Variants in UBE4B observed in about 807,000 individuals in gnomAD.
The protein encoded by UBE4B is ubiquitin conjugation factor E4 B.
UBE4B carries 27 observed loss-of-function variants against 148.1 expected under a neutral mutation model. The ratio of observed to expected loss-of-function variants is 0.18; its 90% CI spans 0.13 to 0.25. UBE4B has a LOEUF of 0.25. Among genes scored for constraint, UBE4B ranks in the 10% least tolerant of loss-of-function variants. The pLI, the probability that UBE4B is intolerant of heterozygous loss-of-function variation, is 1.00. For missense variants in UBE4B, 1,170 were observed against 1,662.4 expected (o/e 0.70, Z 5.15); for synonymous variants, 596 against 619.3 (o/e 0.96, Z 0.56).
At chr1:10,169,876 G>A (rs148188955) in intron 24 of UBE4B, among the ~76,000 whole-genome samples, 2,492 of 152,234 alleles carry the variant, frequency 0.016, 58 homozygotes, top group African/African-American at 0.055. Flanking sequence ...TTAGCCAGGC[G>A]TGGTAGTGCA....
At chr1:10,095,642 GAGAA>G (rs1449995577) in intron 3 of UBE4B, 46 bp downstream of exon 3, 4 of 1,611,496 alleles carry the variant, frequency 2.5e-6, no homozygotes, top group South Asian at 1.1e-5. Flanking sequence ...TTTAGGGAAA[GAGAA>G]AGATCCATTC....
intron 22 of UBE4B, among the ~76,000 whole-genome samples, chr1:10,159,447 C>G (rs918299070): frequency 3.9e-5 from 6 of 152,144 alleles, no homozygotes; most frequent in African/African-American, 1.4e-4. Flanking sequence ...CCGAGCAGGG[C>G]GGATCAGGAG....
rs1303688465 is a variant in UBE4B, at chr1:10,107,455, G to A, written c.1196+872G>A. On this transcript the variant is annotated intron_variant, in intron 7 of 27. Coordinates refer to ENST00000343090, the MANE Select transcript of UBE4B (RefSeq NM_001105562.3). ...TTCTATAAGCTCTAACAAGGGGCGT[G>A]CTTTGAATCCAGGCAGGATAGGGTC... 5 of 1,218,490 alleles carry A rather than the reference G, an allele frequency of 4.1e-6. No individual in the cohort carries two copies. The Admixed American group carries it at 1.5e-4, about 37-fold the overall frequency. 75.5% of individuals were successfully genotyped at this position (1,218,490 alleles called of 1,614,324 possible).
chr1:10,043,019 T>C (rs1265877735), intron 1 of UBE4B, among the ~76,000 whole-genome samples: 2 of 151,072 alleles, frequency 1.3e-5, no homozygotes, highest in Non-Finnish European at 2.9e-5. Flanking sequence ...TTTTTTTTTT[T>C]AATTTTTTGA....
intron 3 of UBE4B, among the ~76,000 whole-genome samples, chr1:10,097,051 A>AT (rs1431962405): frequency 4.8e-4 from 72 of 149,172 alleles, no homozygotes; most frequent in African/African-American, 7.8e-4. Context: ...AAAAAAAAAA[A>AT]AAATAATAAT....
At position 10,132,394 on chromosome 1, in the gene UBE4B, G is replaced by A. The variant is rs1197555324; in HGVS notation, c.1937G>A (p.Ser646Asn). 10 of 1,614,032 alleles carry A rather than the reference G, an allele frequency of 6.2e-6. No individual in the cohort carries two copies. Among genetic ancestry groups the A allele is most frequent in the Non-Finnish European group, 8.5e-6 (10 of 1,179,992 alleles). ...CAAGAGCTTTTTAAGATTCTGCATA[G>A]TATTTTGTTAAATGGCGAAACCCGT... ...GRQELFKILH[S>N]ILLNGETREA... is the part of the protein sequence containing the mutation. Residue 646 changes from serine (S) to asparagine (N), a missense_variant, in exon 15 of 28, where the codon AGT becomes AAT. By Grantham distance (46) the Ser-to-Asn change is conservative. Coordinates refer to ENST00000343090, the MANE Select transcript of UBE4B (RefSeq NM_001105562.3).
At chr1:10,129,056 A>G (rs1381932764) in intron 11 of UBE4B, 1 of 209,118 alleles carries the variant, frequency 4.8e-6, no homozygotes, top group African/African-American at 2.3e-5. Context: ...ATGAAGTGGA[A>G]AAACTTTTTT....
At position 10,101,162 on chromosome 1, in the gene UBE4B, T is replaced by C. The variant is rs201165696; in HGVS notation, c.402T>C (p.Asn134=). The change falls in exon 4 of 28, where the codon AAT becomes AAC. Residue 134 remains asparagine, a synonymous_variant. Coordinates refer to ENST00000343090, the MANE Select transcript of UBE4B (RefSeq NM_001105562.3). ...TTGAAAACATGGAGGTTGATGAAAA[T>C]GATCGAAGAGAAAAGCGGAGCCTCA... ...SGIENMEVDE[N]DRREKRSLSD... is the part of the protein sequence containing the mutation. The C allele has an allele frequency of 2.5e-6, 4 of 1,614,136 alleles. No homozygotes were observed. Among genetic ancestry groups the C allele is most frequent in the East Asian group, 4.5e-5 (2 of 44,872 alleles).
intron 2 of UBE4B, among the ~76,000 whole-genome samples, chr1:10,075,800 A>G (rs1644566777): frequency 6.6e-6 from 1 of 152,162 alleles, no homozygotes; most frequent in Non-Finnish European, 1.5e-5. Context: ...GCCTGTAATC[A>G]TAATACTTTG....
At chr1:10,126,992 C>A in intron 11 of UBE4B, 115 bp downstream of exon 11, 1 of 921,776 alleles carries the variant, frequency 1.1e-6, no homozygotes, top group South Asian at 1.5e-5. Flanking sequence ...AAATTTAAAA[C>A]ATGAAATCAC....
chr1:10,049,392 G>A (rs1207108683), intron 1 of UBE4B, among the ~76,000 whole-genome samples: 6 of 152,086 alleles, frequency 3.9e-5, no homozygotes, highest in Non-Finnish European at 7.3e-5. Flanking sequence ...GATGGGGAAT[G>A]TAGGGAGGGG....
chr1:10,084,273 A>G (rs756295010), intron 2 of UBE4B, among the ~76,000 whole-genome samples: 20 of 152,224 alleles, frequency 1.3e-4, no homozygotes, highest in Admixed American at 2.0e-4. Flanking sequence ...ATGGCTTAGT[A>G]GGAGAGATAA....
intron 4 of UBE4B, 143 bp from the exon 5 acceptor site, chr1:10,102,805 C>T: frequency 1.2e-6 from 1 of 824,650 alleles, no homozygotes; most frequent in South Asian, 2.2e-5. Flanking sequence ...CTTACTTTTC[C>T]CCTAATCAGT....
chr1:10,151,013 A>G (rs1434637022), intron 20 of UBE4B, among the ~76,000 whole-genome samples: 8 of 135,450 alleles, frequency 5.9e-5, no homozygotes, highest in East Asian at 4.5e-4. Context: ...TACAAAAAAA[A>G]TTAGCCGGGC....
intron 21 of UBE4B, among the ~76,000 whole-genome samples, chr1:10,153,857 C>T (rs934962335): frequency 2.6e-5 from 4 of 151,630 alleles, no homozygotes; most frequent in East Asian, 1.9e-4. Context: ...CTGAGGTGGG[C>T]GAATCACCTG....
At chr1:10,145,097 C>T (rs1230538958) in intron 18 of UBE4B, 58 bp downstream of exon 18, 2 of 1,385,412 alleles carry the variant, frequency 1.4e-6, no homozygotes, top group East Asian at 2.3e-5. Context: ...ATTTTCCCAA[C>T]AGAATATATG....
chr1:10,039,257 A>G (rs985138902), intron 1 of UBE4B, among the ~76,000 whole-genome samples: 7 of 152,184 alleles, frequency 4.6e-5, no homozygotes, highest in Non-Finnish European at 8.8e-5. Flanking sequence ...AAGACTTTCA[A>G]GAAAAAGTGA....
chr1:10,124,031 G>A (rs745992038), intron 10 of UBE4B, among the ~76,000 whole-genome samples: 5 of 151,940 alleles, frequency 3.3e-5, no homozygotes, highest in African/African-American at 4.8e-5. Flanking sequence ...CGCCTCAGCC[G>A]CCCAAAGTGC....
At chr1:10,173,916 T>C (rs1256634224) in intron 25 of UBE4B, among the ~76,000 whole-genome samples, 2 of 152,218 alleles carry the variant, frequency 1.3e-5, no homozygotes, top group African/African-American at 4.8e-5. Context: ...CAACCACACA[T>C]TGCATTGCCT....
Sources: gnomAD v4.1 joint callset for allele counts (sites outside exome capture counted in the v4.1 genomes callset) on GRCh38, gnomAD v4.1.1 for gene constraint, MANE v1.5 for transcripts, NCBI Gene and HGNC (gene_info 2026-07-23, HGNC 2026-07-21) for gene names.